IKZF1: variants seen among roughly 807,000 people sequenced by gnomAD.
IKZF1 encodes the protein IKAROS family zinc finger 1, also known as DNA-binding protein Ikaros.
In IKZF1, 10 loss-of-function variants were observed where a neutral mutation model predicts 51.7. The ratio of observed to expected loss-of-function variants is 0.19; its 90% CI spans 0.12 to 0.33. The LOEUF is 0.33. IKZF1 is among the 10% of genes least tolerant of loss of function. The probability of loss-of-function intolerance (pLI) is 1.00; values close to 1 mark genes in which losing one functional copy is unlikely to be tolerated. For missense variants in IKZF1, 484 were observed against 707.5 expected, an observed-to-expected ratio of 0.68 and a Z score of 3.58; for synonymous variants, 280 against 282.3, an observed-to-expected ratio of 0.99 and a Z score of 0.08.
intron 6 of IKZF1, among the ~76,000 whole-genome samples, chr7:50,390,229 A>G (rs1219537066): frequency 2.6e-5 from 4 of 152,142 alleles, no homozygotes; most frequent in Non-Finnish European, 5.9e-5. Flanking sequence ...GCCCTGCGCC[A>G]TGGTGCAGAG....
intron 6 of IKZF1, chr7:50,388,506 A>G (rs565020179): frequency 6.6e-6 from 1 of 152,238 alleles, no homozygotes; most frequent in Non-Finnish European, 1.5e-5. Context: ...CTGCAGCCAG[A>G]GTGCTGTCTC....
chr7:50,385,664 T>C (rs369633051), intron 5 of IKZF1, among the ~76,000 whole-genome samples: 4 of 152,190 alleles, frequency 2.6e-5, no homozygotes, highest in African/African-American at 9.7e-5. Context: ...TTCAGAAAAA[T>C]AGATATTCAG....
chr7:50,313,867 A>G (rs1459282986), intron 1 of IKZF1, among the ~76,000 whole-genome samples: 1 of 152,268 alleles, frequency 6.6e-6, no homozygotes, highest in African/African-American at 2.4e-5. Context: ...CCATGGTCTT[A>G]TGAGGCTTAA....
At chr7:50,308,930 T>C (rs1423417321) in intron 1 of IKZF1, 1 of 152,408 alleles carries the variant, frequency 6.6e-6, no homozygotes, top group Non-Finnish European at 1.5e-5. Context: ...GGTTTCTTTG[T>C]GTGCTTGCAT....
chr7:50,405,003 GA>G lies in IKZF1; in HGVS notation c.*4377del, dbSNP rs1364181011. The G allele has an allele frequency of 5.0e-6, 1 of 202,002 alleles. No homozygotes were observed. Among genetic ancestry groups the G allele is most frequent in the African/African-American group, 2.3e-5 (1 of 43,538 alleles). The allele number at this position is 202,002 out of a possible 1,614,324, so 12.5% of individuals were successfully genotyped here. A position where few individuals can be genotyped will look rare whatever the true frequency, so the allele number is the denominator to read the frequency against. The stretch of plus-strand genomic sequence containing the variant: ...TTGGGAATTAAAAATCAGGACTGGG[GA>G]CTGGGAGACCAAAAATTTCTGATCC... On this transcript the variant is annotated 3_prime_UTR_variant, in exon 8 of 8. Transcript: ENST00000331340.
intron 2 of IKZF1, among the ~76,000 whole-genome samples, chr7:50,319,576 G>A (rs1451075657): frequency 6.6e-6 from 1 of 152,196 alleles, no homozygotes; most frequent in Non-Finnish European, 1.5e-5. Context: ...AGGAGACCCA[G>A]GAAGTGGAGA....
At chr7:50,360,719 C>G (rs1804945468) in intron 3 of IKZF1, among the ~76,000 whole-genome samples, 1 of 152,256 alleles carries the variant, frequency 6.6e-6, no homozygotes, top group Non-Finnish European at 1.5e-5. Context: ...TGCAGACACT[C>G]TGACGACTGC....
Position 50,373,124 on chromosome 7 carries a change from A to G in IKZF1, c.161-3409A>G, listed in dbSNP as rs375655870. Among the ~76,000 whole-genome samples the G allele has an allele frequency of 6.6e-5, 10 of 152,328 alleles. No individual in the cohort carries two copies. In the East Asian group the frequency reaches 1.2e-3, roughly 18 times the overall value. On this transcript the variant is annotated intron_variant, in intron 3 of 7. Coordinates refer to ENST00000331340, the MANE Select transcript of IKZF1 (RefSeq NM_006060.6). ...ATCTGTGATATCTAAGGCAGCATCC[A>G]TTGTGGGCTTTCCCCCATGCTTCTG... is the stretch of plus-strand genomic sequence containing the variant.
At chr7:50,324,894 A>AG (rs1410971642) in intron 2 of IKZF1, among the ~76,000 whole-genome samples, 2 of 152,152 alleles carry the variant, frequency 1.3e-5, no homozygotes, top group East Asian at 3.8e-4. Context: ...CATGCATCTA[A>AG]GGGTGTCTCA....
chr7:50,384,603 A>G (rs757586418), intron 5 of IKZF1, among the ~76,000 whole-genome samples: 15 of 152,258 alleles, frequency 9.9e-5, no homozygotes, highest in African/African-American at 3.6e-4. Context: ...AAATGTTCAC[A>G]TGGGTGATGA....
intron 7 of IKZF1, among the ~76,000 whole-genome samples, chr7:50,393,444 G>A (rs943105487): frequency 2.6e-5 from 4 of 151,956 alleles, no homozygotes; most frequent in African/African-American, 7.3e-5. Context: ...AAGGGGGAAG[G>A]ACAGAGGCAA....
In IKZF1 at chr7:50,310,561, C is replaced by T. The variant is rs115524433; in HGVS notation, c.-15+5639C>T. On this transcript the variant is annotated intron_variant, in intron 1 of 7. Coordinates refer to ENST00000331340, the MANE Select transcript of IKZF1 (RefSeq NM_006060.6). Reference sequence around the variant, plus strand: ...ATCATAGGCCACAAATAAAGGACTACAAAATGGGGTCTAAACTATCCTGGT... The same window carrying T: ...ATCATAGGCCACAAATAAAGGACTATAAAATGGGGTCTAAACTATCCTGGT... Among the ~76,000 whole-genome samples, 838 of 152,248 alleles carry T rather than the reference C, an allele frequency of 5.5e-3. 9 individuals carry two copies. Among genetic ancestry groups the T allele is most frequent in the African/African-American group, 0.019 (796 of 41,550 alleles).
At chr7:50,349,903 A>G (rs539302281) in intron 3 of IKZF1, among the ~76,000 whole-genome samples, 15 of 152,356 alleles carry the variant, frequency 9.8e-5, no homozygotes, top group Admixed American at 8.5e-4. Flanking sequence ...GCAAAGTTTC[A>G]GTCAAGACTT....
Position 50,404,032 on chromosome 7 carries a change from T to G in IKZF1, c.*3405T>G, listed in dbSNP as rs960774773. 4.6e-6 allele frequency: 1 copy of G among 215,362 alleles called. No individual in the cohort carries two copies. Among genetic ancestry groups the G allele is most frequent in the African/African-American group, 2.3e-5 (1 of 44,308 alleles). The allele number at this position is 215,362 out of a possible 1,614,324, so 13.3% of individuals were successfully genotyped here. On this transcript the variant is annotated 3_prime_UTR_variant, in exon 8 of 8. Transcript: ENST00000331340. ...ATTTTTACTTTAAGATGAACCAAAA[T>G]TATTAGACTTATTTAAGATGTACAG... is the stretch of plus-strand genomic sequence containing the variant.
chr7:50,319,641 C>CA (rs1480578960), intron 2 of IKZF1, among the ~76,000 whole-genome samples: 2 of 152,172 alleles, frequency 1.3e-5, no homozygotes, highest in Non-Finnish European at 2.9e-5. Flanking sequence ...CATTTGGCAG[C>CA]ACTGAGGGTG....
intron 4 of IKZF1, among the ~76,000 whole-genome samples, chr7:50,379,352 A>G (rs1344740071): frequency 6.6e-6 from 1 of 152,250 alleles, no homozygotes; most frequent in Admixed American, 6.5e-5. Flanking sequence ...CTTCCAGGAT[A>G]CACTGAGAGG....
intron 3 of IKZF1, among the ~76,000 whole-genome samples, chr7:50,342,958 C>G (rs191743776): frequency 1.3e-5 from 2 of 152,220 alleles, no homozygotes; most frequent in Non-Finnish European, 2.9e-5. Context: ...CCGTTACTGT[C>G]TTTTGACCTT....
At chr7:50,326,764 T>C (rs1795130663) in intron 2 of IKZF1, among the ~76,000 whole-genome samples, 2 of 152,268 alleles carry the variant, frequency 1.3e-5, no homozygotes, top group African/African-American at 4.8e-5. Flanking sequence ...AGAATTTGTA[T>C]TAGCAGACTC....
Position 50,399,924 on chromosome 7 carries a change from A to T in IKZF1, c.857A>T (p.Lys286Met). The change falls in exon 8 of 8, where the codon AAG (lysine) becomes ATG (methionine). Residue 286 changes from lysine (K) to methionine (M), a missense_variant. By Grantham distance (95) the Lys-to-Met change is moderately conservative. Transcript: ENST00000331340. The stretch of plus-strand genomic sequence containing the variant: ...TGTCGCCTGCTTTCCACAGGGGACA[A>T]GGGCCTGTCCGACACGCCCTACGAC... ...SSMPQKFLGDKGLSDTPYDSS... is the reference protein window; with the variant it reads ...SSMPQKFLGDMGLSDTPYDSS... 1 of 1,611,894 alleles carries T rather than the reference A, an allele frequency of 6.2e-7. No homozygotes were observed. The highest frequency in any genetic ancestry group is 1.1e-5 in the South Asian group (1 of 90,514).
Sources: allele counts gnomAD v4.1 joint callset (sites outside exome capture counted in the v4.1 genomes callset), GRCh38; gene constraint gnomAD v4.1.1; transcripts MANE v1.5; gene names NCBI Gene and HGNC (gene_info 2026-07-23, HGNC 2026-07-21).